Variants in HOOK2 observed in about 807,000 individuals in gnomAD.
HOOK2 encodes the protein protein Hook homolog 2.
Under a neutral mutation model 111.9 loss-of-function variants are expected in HOOK2, and 108 were observed. That is an observed-to-expected ratio of 0.96 (90% CI 0.83 to 1.13). HOOK2 has a LOEUF of 1.13. Ranked by LOEUF, HOOK2 falls within the 50% of genes most tolerant of loss-of-function variation. HOOK2 has a pLI of 0.00. For missense variants in HOOK2, 978 were observed against 951.3 expected, an observed-to-expected ratio of 1.03 and a Z score of -0.37; for synonymous variants, 405 against 394.3, an observed-to-expected ratio of 1.03 and a Z score of -0.32.
chr19:12,776,006 T>TA (rs972365127), upstream of HOOK2, among the ~76,000 whole-genome samples: 5 of 145,470 alleles, frequency 3.4e-5, no homozygotes, highest in Non-Finnish European at 7.5e-5. Context: ...GCCTCCCGAG[T>TA]AGCTGGGACT....
chr19:12,770,103 G>A (rs377711172), intron 10 of HOOK2, 21 bp from the exon 11 acceptor site: 9 of 1,471,578 alleles, frequency 6.1e-6, no homozygotes, highest in South Asian at 1.3e-5. Context: ...GGGAGGGAAG[G>A]GGGAGGGCTG....
intron 9 of HOOK2, 27 bp from the exon 10 acceptor site, chr19:12,771,099 G>A: frequency 1.2e-6 from 2 of 1,611,650 alleles, no homozygotes; most frequent in Non-Finnish European, 1.7e-6. Flanking sequence ...AAGAGCACAT[G>A]AGGGGGCTGC....
intron 1 of HOOK2, 122 bp downstream of exon 1, chr19:12,775,283 C>T (rs891034390): frequency 6.7e-7 from 1 of 1,484,740 alleles, no homozygotes; most frequent in African/African-American, 1.4e-5. Flanking sequence ...TCCAACGGTC[C>T]AGCAAGTCGA....
chr19:12,767,697 TG>T, intron 13 of HOOK2, 118 bp downstream of exon 13: 1 of 970,004 alleles, frequency 1.0e-6, no homozygotes, highest in Non-Finnish European at 1.5e-6. Context: ...CACCTCTTTC[TG>T]GTCACCTCCA....
chr19:12,765,353 C>T, intron 18 of HOOK2: 1 of 591,156 alleles, frequency 1.7e-6, no homozygotes, highest in Non-Finnish European at 3.0e-6. Flanking sequence ...GCTGGTTCAG[C>T]CACCATCTTC....
At chr19:12,779,320 C>T (rs1356683971), upstream of HOOK2, among the ~76,000 whole-genome samples, 1 of 152,074 alleles carries the variant, frequency 6.6e-6, no homozygotes, top group African/African-American at 2.4e-5. Flanking sequence ...GAGAAGGGGA[C>T]CCTCAGTCCC....
chr19:12,782,402 T>C (rs938000620), upstream of HOOK2, among the ~76,000 whole-genome samples: 1 of 152,178 alleles, frequency 6.6e-6, no homozygotes, highest in African/African-American at 2.4e-5. Flanking sequence ...TGTTTGTGAC[T>C]TTGTGTGTAG....
Position 12,767,423 on chromosome 19 carries a change from C to T in HOOK2, c.1345G>A (p.Ala449Thr). 6.2e-6 allele frequency: 10 copies of T among 1,614,074 alleles called. No homozygotes were observed. The highest frequency in any genetic ancestry group is 8.5e-6 in the Non-Finnish European group (10 of 1,179,988). ...AGCTCCGCAGGCAGGATCTCTGCGG[C>T]TAAGTTATCCACGGGTGTGGAGGTG... ...DPTSTPVDNLAAEILPAELRE... is the reference protein window; with the variant it reads ...DPTSTPVDNLTAEILPAELRE... The change falls in exon 14 of 23, where the codon GCC becomes ACC. Residue 449 changes from alanine (A) to threonine (T), a missense_variant. Coordinates refer to ENST00000397668, the MANE Select transcript of HOOK2 (RefSeq NM_013312.3).
In HOOK2 at chr19:12,791,831, C is replaced by T; in HGVS notation, n.42-17606G>A. On this transcript the variant is annotated intron_variant and non_coding_transcript_variant, in intron 3 of 3. Transcript: ENST00000589765. This position sits in a 1 kb window ranked among gnomAD's most constrained non-coding sequence, Gnocchi z 7.0. Reference sequence around the variant, plus strand: ...ACGACTCATACACAGCTACGGGATACGGCCGGGCCCCTGGTGGCCTCTCTC... The same window carrying T: ...ACGACTCATACACAGCTACGGGATATGGCCGGGCCCCTGGTGGCCTCTCTC... 6.2e-7 allele frequency: 1 copy of T among 1,613,514 alleles called. No homozygotes were observed. Among genetic ancestry groups the T allele is most frequent in the Non-Finnish European group, 8.5e-7 (1 of 1,179,808 alleles).
upstream of HOOK2, among the ~76,000 whole-genome samples, chr19:12,779,364 C>G (rs1338141374): frequency 6.6e-6 from 1 of 152,190 alleles, no homozygotes; most frequent in Non-Finnish European, 1.5e-5. Context: ...TGCCACTCCC[C>G]TGGCTGACCA....
intron 3 of HOOK2, among the ~76,000 whole-genome samples, chr19:12,789,585 C>T (rs912394729): frequency 1.2e-4 from 18 of 152,008 alleles, no homozygotes; most frequent in Admixed American, 1.0e-3. Context: ...GGAAGGGCAC[C>T]CCACCCGAGG....
chr19:12,764,076 G>A (rs570847470), intron 20 of HOOK2, among the ~76,000 whole-genome samples: 6 of 152,170 alleles, frequency 3.9e-5, no homozygotes, highest in Admixed American at 3.9e-4. Flanking sequence ...GTGAAGTGGC[G>A]CACTCTCAGC....
upstream of HOOK2, among the ~76,000 whole-genome samples, chr19:12,777,311 A>G (rs1968545216): frequency 6.6e-6 from 1 of 151,442 alleles, no homozygotes; most frequent in Non-Finnish European, 1.5e-5. Flanking sequence ...CCGTCTCTAC[A>G]AAAATAAAAT....
intron 18 of HOOK2, 100 bp from the exon 19 acceptor site, chr19:12,765,181 T>C: frequency 8.6e-7 from 1 of 1,160,044 alleles, no homozygotes; most frequent in East Asian, 2.3e-5. Flanking sequence ...GAAATGCCCC[T>C]ACATGGCCAC....
upstream of HOOK2, among the ~76,000 whole-genome samples, chr19:12,780,885 G>A (rs1968594680): frequency 6.8e-6 from 1 of 146,262 alleles, no homozygotes; most frequent in Admixed American, 6.8e-5. Flanking sequence ...GGCTGAGGCA[G>A]GAGAATGGCG....
rs1420536132 is a variant in HOOK2 at position 12,769,954 on chromosome 19, C to A, written c.1031G>T (p.Arg344Leu). 9.6e-6 allele frequency: 15 copies of A among 1,556,714 alleles called. No individual in the cohort carries two copies. Among genetic ancestry groups the A allele is most frequent in the Non-Finnish European group, 1.3e-5 (15 of 1,158,248 alleles). ...LEERNAGHAE[R>L]TRQLEDELRR... Reference sequence around the variant, plus strand: ...TAGCTCATCCTCCAGTTGTCGCGTGCGCTCGGCGTGGCCGGCGTTGCGTTC... The same window carrying A: ...TAGCTCATCCTCCAGTTGTCGCGTGAGCTCGGCGTGGCCGGCGTTGCGTTC... Residue 344 changes from arginine to leucine, a missense_variant, in exon 11 of 23, where the codon CGC becomes CTC. This residue lies in a region of HOOK2 where 388 missense variants were observed against 358.3 expected (regional missense o/e 1.08). Coordinates refer to ENST00000397668, the MANE Select transcript of HOOK2 (RefSeq NM_013312.3).
upstream of HOOK2, among the ~76,000 whole-genome samples, chr19:12,782,670 G>C (rs1294496458): frequency 6.6e-6 from 1 of 152,164 alleles, no homozygotes; most frequent in Non-Finnish European, 1.5e-5. Context: ...CGTGGGCGGT[G>C]GCGGGGGCTG....
chr19:12,772,039 C>T (rs1316939020), intron 7 of HOOK2, 151 bp downstream of exon 7: 6 of 668,620 alleles, frequency 9.0e-6, no homozygotes, highest in Non-Finnish European at 1.6e-5. Flanking sequence ...CAAGCCCCTC[C>T]CCCTTAGGCT....
chr19:12,763,325 C>G lies in HOOK2; in HGVS notation c.2117G>C (p.Gly706Ala). 1 of 1,614,098 alleles carries G rather than the reference C, an allele frequency of 6.2e-7. No individual in the cohort carries two copies. Residue 706 changes from glycine (G) to alanine (A), a missense_variant, in exon 23 of 23, where the codon GGA (glycine) becomes GCA (alanine). By Grantham distance (60) the Gly-to-Ala change is moderately conservative (BLOSUM62 0). Transcript: ENST00000397668. ...GCGAAGGTTCAGAGATGCCAGGCGT[C>G]CCAAGGGTCCACGGCGAGAATTGGT... is the stretch of plus-strand genomic sequence containing the variant. The part of the protein sequence containing the change: ...LATNSRRGPL[G>A]RLASLNLRPT...
Sources: allele counts gnomAD v4.1 joint callset (sites outside exome capture counted in the v4.1 genomes callset), GRCh38; gene constraint gnomAD v4.1.1; regional missense constraint gnomAD v4.1.1; non-coding constraint Gnocchi (gnomAD v3.1); transcripts MANE v1.5; gene names NCBI Gene and HGNC (gene_info 2026-07-23, HGNC 2026-07-21).